Variants in PLXNA4 observed in about 807,000 individuals in gnomAD.
PLXNA4 encodes the protein plexin-A4.
In PLXNA4, 44 loss-of-function variants were observed where a neutral mutation model predicts 191.8. That is an observed-to-expected ratio of 0.23 (90% CI 0.18 to 0.29). The LOEUF (loss-of-function observed/expected upper bound fraction) is 0.29. Among genes scored for constraint, PLXNA4 ranks in the 10% least tolerant of loss-of-function variants. The pLI is 1.00. For missense variants in PLXNA4, 1,800 were observed against 2,488.8 expected, an observed-to-expected ratio of 0.72 and a Z score of 5.89; for synonymous variants, 1,082 against 1,009.5, an observed-to-expected ratio of 1.07 and a Z score of -1.36.
chr7:132,608,027 C>T (rs1248546476), intron 2 of PLXNA4, among the ~76,000 whole-genome samples: 6 of 150,940 alleles, frequency 4.0e-5, no homozygotes, highest in African/African-American at 9.7e-5. Flanking sequence ...ATCACTATCA[C>T]CATCAACACC....
intron 20 of PLXNA4, among the ~76,000 whole-genome samples, chr7:132,177,630 C>A (rs1796520349): frequency 6.6e-6 from 1 of 152,162 alleles, no homozygotes; most frequent in Admixed American, 6.5e-5. Flanking sequence ...CCACAGGGAG[C>A]AGAAGGAGGG....
chr7:132,596,941 T>A (rs982552191), intron 2 of PLXNA4, among the ~76,000 whole-genome samples: 1 of 152,044 alleles, frequency 6.6e-6, no homozygotes, highest in African/African-American at 2.4e-5. Flanking sequence ...TAAAAGTTTA[T>A]ATTTTATTAC....
intron 3 of PLXNA4, among the ~76,000 whole-genome samples, chr7:132,415,749 A>C (rs939216816): frequency 4.6e-5 from 7 of 152,222 alleles, no homozygotes; most frequent in African/African-American, 7.2e-5. Flanking sequence ...AGGTAGGACT[A>C]TCAGTACCTG....
intron 3 of PLXNA4, among the ~76,000 whole-genome samples, chr7:132,475,667 A>T (rs1405171625): frequency 7.9e-5 from 12 of 151,910 alleles, no homozygotes. Context: ...TAAGCTAATT[A>T]TGGGACTCAC....
chr7:132,633,320 A>G (rs2012316), intron 2 of PLXNA4, among the ~76,000 whole-genome samples: 33,060 of 146,624 alleles, frequency 0.23, 4,419 homozygotes, highest in African/African-American at 0.35. Flanking sequence ...GTCTCACTCT[A>G]TCACCAGACT....
chr7:132,187,673 T>C, intron 14 of PLXNA4, 66 bp from the exon 15 acceptor site: 2 of 1,522,434 alleles, frequency 1.3e-6, no homozygotes, highest in Non-Finnish European at 1.8e-6. Flanking sequence ...TGGGCAGGCG[T>C]GAGGCAGCAC....
rs1489569592 is a variant in PLXNA4, at chr7:132,126,964, A to ATGTC, written c.*3511_*3514dup. On this transcript the variant is annotated 3_prime_UTR_variant, in exon 32 of 32. Coordinates refer to ENST00000321063, the MANE Select transcript of PLXNA4 (RefSeq NM_020911.2). ...TGGCACTATTTGCAGCTACCAAGAAATGTCAGGGTCTCTCCTTATGGGGAA... is the reference window on the plus strand; with the variant it reads ...TGGCACTATTTGCAGCTACCAAGAAATGTCTGTCAGGGTCTCTCCTTATGGGGAA... 4 of 152,330 alleles carry ATGTC rather than the reference A, an allele frequency of 2.6e-5. No homozygotes were observed. Among genetic ancestry groups the ATGTC allele is most frequent in the Admixed American group, 6.5e-5 (1 of 15,302 alleles). The allele number at this position is 152,330 out of a possible 1,614,324, so 9.4% of individuals were successfully genotyped here. A position where few individuals can be genotyped will look rare whatever the true frequency, so the allele number is the denominator to read the frequency against.
At chr7:132,583,532 G>T (rs1802447549) in intron 2 of PLXNA4, among the ~76,000 whole-genome samples, 1 of 152,162 alleles carries the variant, frequency 6.6e-6, no homozygotes. Flanking sequence ...ACAAGGATTA[G>T]GACGAGAGAA....
intron 2 of PLXNA4, among the ~76,000 whole-genome samples, chr7:132,620,755 C>T (rs1431753317): frequency 1.3e-5 from 2 of 152,236 alleles, no homozygotes; most frequent in Non-Finnish European, 2.9e-5. Flanking sequence ...GCCCTTTCCA[C>T]ATCCGCTCAT....
In PLXNA4 at chr7:132,182,147, T is replaced by C. The variant is rs759499382; in HGVS notation, c.3202A>G (p.Ile1068Val). The C allele has an allele frequency of 3.1e-6, 5 of 1,614,178 alleles. No homozygotes were observed. The highest frequency in any genetic ancestry group is 3.4e-6 in the Non-Finnish European group (4 of 1,180,046). Residue 1068 changes from isoleucine to valine, a missense_variant, in exon 17 of 32, where the codon ATA becomes GTA. By Grantham distance (29) the Ile-to-Val change is conservative. Around this residue, in one of 6 missense-constraint regions of PLXNA4, gnomAD observed 1,397 missense variants for 1,880.4 expected, o/e 0.74. Coordinates refer to ENST00000321063, the MANE Select transcript of PLXNA4 (RefSeq NM_020911.2). ...TTGGCACGGATCTGGGGGTTCTGTA[T>C]GAGGTCCAGGTGGGTCCCCCATACG... ...IAVWGTHLDL[I>V]QNPQIRAKHG... is the part of the protein sequence containing the mutation.
intron 2 of PLXNA4, among the ~76,000 whole-genome samples, chr7:132,501,315 A>G (rs156954): frequency 0.97 from 147,852 of 152,258 alleles, 71,941 homozygotes; most frequent in Middle Eastern, 1. Context: ...GTGTGTGCAC[A>G]TGGGTGTGCT....
intron 3 of PLXNA4, among the ~76,000 whole-genome samples, chr7:132,482,928 T>G (rs892612743): frequency 6.6e-6 from 1 of 152,068 alleles, no homozygotes; most frequent in Admixed American, 6.5e-5. Context: ...CCTGACCTCA[T>G]GATCTGTGTG....
At chr7:132,555,803 G>A (rs1274715534) in intron 1 of PLXNA4, among the ~76,000 whole-genome samples, 1 of 152,212 alleles carries the variant, frequency 6.6e-6, no homozygotes, top group Non-Finnish European at 1.5e-5. Flanking sequence ...CTGAAGTATT[G>A]TAACTAACCA....
intron 5 of PLXNA4, among the ~76,000 whole-genome samples, chr7:132,239,800 A>G (rs953533999): frequency 6.6e-6 from 1 of 152,180 alleles, no homozygotes; most frequent in Admixed American, 6.5e-5. Context: ...TGAGTTATGT[A>G]TGTTTCAGAC....
At chr7:132,188,973 GGAAAGGAAAGGAAAGGAAAGGA>G (rs1242539869) in intron 14 of PLXNA4, among the ~76,000 whole-genome samples, 134 of 57,402 alleles carry the variant, frequency 2.3e-3, no homozygotes, top group African/African-American at 6.5e-3. Flanking sequence ...GGAAAGGAAA[GGAAAGGAAAGGAAAGGAAAGGA>G]GAGAGAGAGA....
At chr7:132,199,271 G>A (rs769576730) in intron 12 of PLXNA4, among the ~76,000 whole-genome samples, 11 of 152,092 alleles carry the variant, frequency 7.2e-5, no homozygotes, top group Admixed American at 2.0e-4. Flanking sequence ...TATGTCTTGC[G>A]TTGTCATGTG....
At chr7:132,255,207 T>C (rs1326239155) in intron 4 of PLXNA4, among the ~76,000 whole-genome samples, 2 of 152,154 alleles carry the variant, frequency 1.3e-5, no homozygotes, top group African/African-American at 4.8e-5. Flanking sequence ...TGAATGTTAG[T>C]CAGGAGTCTG....
At chr7:132,210,882 C>A in intron 10 of PLXNA4, 61 bp downstream of exon 10, 1 of 1,561,432 alleles carries the variant, frequency 6.4e-7, no homozygotes, top group Non-Finnish European at 8.7e-7. Flanking sequence ...TCCTAGAAGA[C>A]AACAGTGATG....
At chr7:132,568,630 T>C (rs1294205935) in intron 1 of PLXNA4, among the ~76,000 whole-genome samples, 1 of 152,194 alleles carries the variant, frequency 6.6e-6, no homozygotes, top group African/African-American at 2.4e-5. Context: ...CTTGTTATCA[T>C]TGCCACTGCC....
Sources: allele counts gnomAD v4.1 joint callset (sites outside exome capture counted in the v4.1 genomes callset), GRCh38; gene constraint gnomAD v4.1.1; regional missense constraint gnomAD v4.1.1; transcripts MANE v1.5; gene names NCBI Gene and HGNC (gene_info 2026-07-23, HGNC 2026-07-21).